SLIT3: variants seen among roughly 807,000 people sequenced by gnomAD.
The protein encoded by SLIT3 is slit homolog 3 protein.
In SLIT3, 68 loss-of-function variants were observed where a neutral mutation model predicts 184.0. That is an observed-to-expected ratio of 0.37 (90% CI 0.30 to 0.45). The LOEUF is 0.45. SLIT3 is among the 20% of genes least tolerant of loss of function. The pLI is 1.00. For missense variants in SLIT3, 1,707 were observed against 2,026.0 expected, an observed-to-expected ratio of 0.84 and a Z score of 3.02; for synonymous variants, 831 against 828.6, an observed-to-expected ratio of 1.00 and a Z score of -0.05.
intron 1 of SLIT3, among the ~76,000 whole-genome samples, chr5:169,262,153 G>A (rs937753214): frequency 6.6e-6 from 1 of 152,218 alleles, no homozygotes; most frequent in Admixed American, 6.5e-5. Flanking sequence ...AATGGAAGGT[G>A]CTGAATGCCT....
Position 168,724,422 on chromosome 5 carries a change from G to C in SLIT3, c.2333C>G (p.Thr778Arg), listed in dbSNP as rs144594798. The C allele has an allele frequency of 1.9e-6, 3 of 1,612,362 alleles. No individual in the cohort carries two copies. Among genetic ancestry groups the C allele is most frequent in the Non-Finnish European group, 2.5e-6 (3 of 1,178,906 alleles). Residue 778 changes from threonine (T) to arginine (R), a missense_variant, in exon 21 of 36, where the codon ACG (threonine) becomes AGG (arginine). By Grantham distance (71) the Thr-to-Arg change is moderately conservative. This residue lies in a region of SLIT3 where 1,307 missense variants were observed against 1,511.6 expected (regional missense o/e 0.86). Coordinates refer to ENST00000519560, the MANE Select transcript of SLIT3 (RefSeq NM_003062.4). ...CCAATACTGGGCTCCTTACATAAGCGTCAGGTGTCGGAGGGCGGACAGCTC... is the reference window on the plus strand; with the variant it reads ...CCAATACTGGGCTCCTTACATAAGCCTCAGGTGTCGGAGGGCGGACAGCTC... ...PRELSALRHL[T>R]LIDLSNNSIS...
At chr5:168,717,865 T>G (rs900623808) in intron 23 of SLIT3, among the ~76,000 whole-genome samples, 7 of 152,062 alleles carry the variant, frequency 4.6e-5, no homozygotes, top group African/African-American at 9.7e-5. Flanking sequence ...TTTCACCATA[T>G]TAGCCAGGAT....
chr5:169,143,754 C>T lies in SLIT3; in HGVS notation c.413+49725G>A, dbSNP rs911932093. On this transcript the variant is annotated intron_variant, in intron 4 of 35. Coordinates refer to ENST00000519560, the MANE Select transcript of SLIT3 (RefSeq NM_003062.4). ...AGGTGGAACTGCAGTGAGCCGAGAT[C>T]GTGCCATTGCACTCCAGCCTGGGTG... Among the ~76,000 whole-genome samples the T allele has an allele frequency of 5.3e-5, 8 of 152,168 alleles. 1 individual carries two copies. The highest frequency in any genetic ancestry group is 1.3e-4 in the Admixed American group (2 of 15,292).
At chr5:169,068,852 A>AG (rs397884385) in intron 4 of SLIT3, among the ~76,000 whole-genome samples, 1 of 152,038 alleles carries the variant, frequency 6.6e-6, no homozygotes, top group Non-Finnish European at 1.5e-5. Flanking sequence ...CAAAAAAAAA[A>AG]TGCAGAATCC....
intron 3 of SLIT3, among the ~76,000 whole-genome samples, chr5:169,225,248 C>T (rs990397888): frequency 6.6e-6 from 1 of 152,164 alleles, no homozygotes. Context: ...AAGGTAACTA[C>T]TGGAAGTTTT....
intron 4 of SLIT3, among the ~76,000 whole-genome samples, chr5:169,077,157 A>T (rs1375193082): frequency 6.6e-6 from 1 of 152,136 alleles, no homozygotes; most frequent in Admixed American, 6.5e-5. Flanking sequence ...CTTTATGGTG[A>T]TCCATTTCCA....
chr5:169,229,642 TTCTCTCTC>T (rs60056409), intron 3 of SLIT3, among the ~76,000 whole-genome samples: 14,728 of 148,280 alleles, frequency 0.099, 1,206 homozygotes, highest in African/African-American at 0.2. Context: ...AAATAAATTC[TTCTCTCTC>T]TCTCTCTCTC....
Position 168,669,028 on chromosome 5 carries a change from G to C in SLIT3, c.4336+755C>G, listed in dbSNP as rs564888083. On this transcript the variant is annotated intron_variant, in intron 35 of 35. Coordinates refer to ENST00000519560, the MANE Select transcript of SLIT3 (RefSeq NM_003062.4). Reference sequence around the variant, plus strand: ...TAAATGACAGTTTGGCCTTCATCGTGACAATGTTGCTTCTGACTTTACATC... The same window carrying C: ...TAAATGACAGTTTGGCCTTCATCGTCACAATGTTGCTTCTGACTTTACATC... 5.3e-5 allele frequency among the ~76,000 whole-genome samples: 8 copies of C among 152,292 alleles called. No homozygotes were observed. In the South Asian group the frequency reaches 1.7e-3, roughly 32 times the overall value.
At chr5:169,037,624 T>C (rs1191556210) in intron 4 of SLIT3, 1 of 152,238 alleles carries the variant, frequency 6.6e-6, no homozygotes, top group Non-Finnish European at 1.5e-5. Flanking sequence ...TGGAGCGAGA[T>C]GTTTAGTGCA....
At chr5:168,858,892 T>G (rs935750755) in intron 5 of SLIT3, among the ~76,000 whole-genome samples, 2 of 152,076 alleles carry the variant, frequency 1.3e-5, no homozygotes, top group African/African-American at 4.8e-5. Context: ...GCGGGCTGGG[T>G]GCAGGGGGTG....
intron 11 of SLIT3, among the ~76,000 whole-genome samples, chr5:168,787,199 C>T (rs1756185335): frequency 1.3e-5 from 2 of 152,214 alleles, no homozygotes; most frequent in Non-Finnish European, 1.5e-5. Flanking sequence ...CATATTAATG[C>T]CCCACCGCTC....
At chr5:168,744,344 T>C (rs1431588056) in intron 20 of SLIT3, among the ~76,000 whole-genome samples, 1 of 152,172 alleles carries the variant, frequency 6.6e-6, no homozygotes, top group Non-Finnish European at 1.5e-5. Flanking sequence ...AAGTGTAAAG[T>C]AAAGCAGCAA....
At chr5:168,871,864 T>C (rs1759534157) in intron 5 of SLIT3, among the ~76,000 whole-genome samples, 1 of 152,168 alleles carries the variant, frequency 6.6e-6, no homozygotes, top group African/African-American at 2.4e-5. Context: ...GTCATAAAGG[T>C]GGTAAGAACC....
At chr5:168,722,173 G>T in intron 23 of SLIT3, 83 bp downstream of exon 23, 1 of 1,246,790 alleles carries the variant, frequency 8.0e-7, no homozygotes, top group South Asian at 1.2e-5. Context: ...TTTGGGCAGA[G>T]AGTGGGGAAG....
chr5:169,016,001 C>T (rs866135655), intron 4 of SLIT3, among the ~76,000 whole-genome samples: 1 of 151,084 alleles, frequency 6.6e-6, no homozygotes, highest in Non-Finnish European at 1.5e-5. Context: ...TCTGTCTGCC[C>T]CCTTGCTCTT....
intron 16 of SLIT3, among the ~76,000 whole-genome samples, chr5:168,755,929 G>A (rs1754932065): frequency 2.0e-5 from 3 of 152,160 alleles, no homozygotes; most frequent in Non-Finnish European, 4.4e-5. Flanking sequence ...CAAAATGCCT[G>A]GCCCTGGAAA....
intron 16 of SLIT3, among the ~76,000 whole-genome samples, chr5:168,757,107 A>C (rs769110204): frequency 6.6e-6 from 1 of 152,210 alleles, no homozygotes; most frequent in Non-Finnish European, 1.5e-5. Context: ...TCCAGAAACA[A>C]AACAAGTGCA....
intron 4 of SLIT3, among the ~76,000 whole-genome samples, chr5:169,086,462 GAACAGT>G (rs1270741967): frequency 6.6e-6 from 1 of 152,190 alleles, no homozygotes; most frequent in Non-Finnish European, 1.5e-5. Flanking sequence ...ATTGGTGGTT[GAACAGT>G]TCGGCCTGAA....
intron 3 of SLIT3, among the ~76,000 whole-genome samples, chr5:169,226,747 GTCTC>G (rs763566864): frequency 5.3e-4 from 81 of 152,272 alleles, no homozygotes; most frequent in Non-Finnish European, 7.6e-4. Flanking sequence ...CTCTTACTCT[GTCTC>G]TATCTATAGA....
Sources: allele counts gnomAD v4.1 joint callset (sites outside exome capture counted in the v4.1 genomes callset), GRCh38; gene constraint gnomAD v4.1.1; regional missense constraint gnomAD v4.1.1; transcripts MANE v1.5; gene names NCBI Gene and HGNC (gene_info 2026-07-23, HGNC 2026-07-21).